The following NSD2 variants were observed in gnomAD, a reference collection of about 807,000 sequenced individuals.
The protein encoded by NSD2 is histone-lysine N-methyltransferase NSD2.
In NSD2, 12 loss-of-function variants were observed where a neutral mutation model predicts 139.0. That is an observed-to-expected ratio of 0.09 (90% CI 0.06 to 0.14). The LOEUF is 0.14. Ranked by LOEUF, NSD2 falls within the 10% of genes least tolerant of loss-of-function variation. The pLI, the probability that NSD2 is intolerant of heterozygous loss-of-function variation, is 1.00. For synonymous variants in NSD2, 669 were observed against 648.7 expected (o/e 1.03, Z -0.48); for missense variants, 1,155 against 1,745.0 (o/e 0.66, Z 6.02).
rs183835773 is a variant in NSD2, at chr4:1,955,028, T to G, written c.2339-133T>G. On this transcript the variant is annotated intron_variant, in intron 12 of 21. Transcript: ENST00000508803. This position sits in a 1 kb window ranked among gnomAD's most constrained non-coding sequence, Gnocchi z 4.7. ...GCACCTTTGCTCTGAAAGCTTTTTT[T>G]AAATCAAATACCTCCATTTCATTTT... is the stretch of plus-strand genomic sequence containing the variant. 1 of 1,060,984 alleles carries G rather than the reference T, an allele frequency of 9.4e-7. No homozygotes were observed. The highest frequency in any genetic ancestry group is 1.8e-5 in the South Asian group (1 of 56,384). 65.7% of individuals were successfully genotyped at this position (1,060,984 alleles called of 1,614,324 possible).
chr4:1,872,591 T>TGTGTGTGTGTGAGAGAGAGAGAGA (rs1281608141), intron 1 of NSD2, among the ~76,000 whole-genome samples: 1 of 44,892 alleles, frequency 2.2e-5, no homozygotes, highest in Admixed American at 3.4e-4. Flanking sequence ...TGTGTGTGTG[T>TGTGTGTGTGTGAGAGAGAGAGAGA]GAGAGAGAGA....
In NSD2 at chr4:1,955,398, T is replaced by C. The variant is rs189011763; in HGVS notation, c.2518+58T>C. Reference sequence around the variant, plus strand: ...CTCTCACACTCCCAGGAGCCACATATCAAGGCAGGCTCATTCCTTGTCTGC... The same window carrying C: ...CTCTCACACTCCCAGGAGCCACATACCAAGGCAGGCTCATTCCTTGTCTGC... On this transcript the variant is annotated intron_variant, in intron 13 of 21. Coordinates refer to ENST00000508803, the MANE Select transcript of NSD2 (RefSeq NM_001042424.3). This position sits in a 1 kb window ranked among gnomAD's most constrained non-coding sequence, Gnocchi z 4.7. The C allele has an allele frequency of 7.3e-5, 113 of 1,549,806 alleles. No homozygotes were observed. The African/African-American group carries it at 9.9e-4, about 14-fold the overall frequency.
In NSD2 at chr4:1,972,819, T is replaced by C. The variant is rs1726636221; in HGVS notation, c.3373-2044T>C. Among the ~76,000 whole-genome samples, 3 of 152,296 alleles carry C rather than the reference T, an allele frequency of 2.0e-5. No homozygotes were observed. The highest frequency in any genetic ancestry group is 7.2e-5 in the African/African-American group (3 of 41,566). On this transcript the variant is annotated intron_variant, in intron 18 of 21. Transcript: ENST00000508803. This position sits in a 1 kb window ranked among gnomAD's most constrained non-coding sequence, Gnocchi z 4.0. ...AGACATTGTGCACGGAAGATTCCAT[T>C]GGGAGCTGGGAAGCTATGGGAAAGT... is the stretch of plus-strand genomic sequence containing the variant.
rs1241410661 is a variant in NSD2 at position 1,904,363 on chromosome 4, T to C, written c.745T>C (p.Tyr249His). Residue 249 changes from tyrosine to histidine, a missense_variant, in exon 3 of 22, where the codon TAT (tyrosine) becomes CAT (histidine). Tyr to His is a moderately conservative substitution (Grantham distance 83). Around this residue, in one of 8 missense-constraint regions of NSD2, gnomAD observed 34 missense variants for 75.2 expected, o/e 0.45. Coordinates refer to ENST00000508803, the MANE Select transcript of NSD2 (RefSeq NM_001042424.3). ...MVSADPLLHS[Y>H]TKLKGQKKSA... is the part of the protein sequence containing the mutation. Reference sequence around the variant, plus strand: ...TTCTGCAGATCCACTCCTTCACAGCTATACCAAACTTAAAGGTATTGTGTT... The same window carrying C: ...TTCTGCAGATCCACTCCTTCACAGCCATACCAAACTTAAAGGTATTGTGTT... 3 of 1,611,952 alleles carry C rather than the reference T, an allele frequency of 1.9e-6. No individual in the cohort carries two copies. In the African/African-American group the frequency reaches 4.0e-5, roughly 22 times the overall value.
Position 1,928,763 on chromosome 4 carries a change from G to A in NSD2, c.1411-1863G>A, listed in dbSNP as rs1046713108. Among the ~76,000 whole-genome samples the A allele has an allele frequency of 2.0e-5, 3 of 152,034 alleles. No homozygotes were observed. In the East Asian group the frequency reaches 5.8e-4, roughly 29 times the overall value. On this transcript the variant is annotated intron_variant, in intron 5 of 21. Coordinates refer to ENST00000508803, the MANE Select transcript of NSD2 (RefSeq NM_001042424.3). ...AGGGGCAGAGGTGGGTGGGAGGGCA[G>A]CAGGCCCGTGAAGGAATGTGCTGTG...
At chr4:1,883,182 A>G (rs1203784504) in intron 1 of NSD2, among the ~76,000 whole-genome samples, 1 of 152,224 alleles carries the variant, frequency 6.6e-6, no homozygotes, top group Non-Finnish European at 1.5e-5. Context: ...CTGTCCAGAT[A>G]GCATTCTTTC....
rs1203288731 is a variant in NSD2, at chr4:1,980,016, T to C, written c.*1107T>C. ...CAGAGTGGCTTCCATCTCAGCACTC[T>C]GTGGGTCTGGTGATGGAAGATGCAG... On this transcript the variant is annotated 3_prime_UTR_variant, in exon 22 of 22. Coordinates refer to ENST00000508803, the MANE Select transcript of NSD2 (RefSeq NM_001042424.3). 1 of 232,658 alleles carries C rather than the reference T, an allele frequency of 4.3e-6. No individual in the cohort carries two copies. The highest frequency in any genetic ancestry group is 6.1e-5 in the East Asian group (1 of 16,492). 14.4% of individuals were successfully genotyped at this position (232,658 alleles called of 1,614,324 possible).
intron 1 of NSD2, among the ~76,000 whole-genome samples, chr4:1,877,368 T>TG (rs2108666105): frequency 6.6e-6 from 1 of 152,314 alleles, no homozygotes; most frequent in African/African-American, 2.4e-5. Context: ...TGACTCTCAC[T>TG]GCCCATTGGG....
At chr4:1,913,574 A>G (rs750222558) in intron 3 of NSD2, among the ~76,000 whole-genome samples, 30 of 152,236 alleles carry the variant, frequency 2.0e-4, no homozygotes, top group Admixed American at 6.5e-4. Flanking sequence ...TGAGAAATGC[A>G]TAGAAGAAAT....
chr4:1,915,112 T>C (rs1482699126), intron 3 of NSD2, among the ~76,000 whole-genome samples: 1 of 103,348 alleles, frequency 9.7e-6, no homozygotes, highest in African/African-American at 5.1e-5. Context: ...TTTTTTTCTC[T>C]TTTTTTTTTT....
intron 2 of NSD2, among the ~76,000 whole-genome samples, chr4:1,903,733 T>C (rs971685532): frequency 8.0e-6 from 1 of 124,814 alleles, no homozygotes; most frequent in Non-Finnish European, 1.6e-5. Flanking sequence ...GAGAGAGAAA[T>C]TTTTTTTTTT....
rs767888998 is a variant in NSD2, at chr4:1,978,880, G to A, written c.4069G>A (p.Gly1357Ser). Residue 1357 changes from glycine to serine, a missense_variant, in exon 22 of 22, where the codon GGC (glycine) becomes AGC (serine). Physicochemically the swap from Gly to Ser is moderately conservative, Grantham distance 56. Transcript: ENST00000508803. ...GAAGGGGAAGAGGCGGCGGCGGAGG[G>A]GCTGGCGGAGAGTCACAGAGGGCAA... ...KPKGKRRRRR[G>S]WRRVTEGK 3.2e-6 allele frequency: 5 copies of A among 1,581,314 alleles called. No homozygotes were observed. The African/African-American group carries it at 6.7e-5, about 21-fold the overall frequency.
intron 9 of NSD2, chr4:1,946,913 C>T: frequency 9.4e-7 from 1 of 1,059,142 alleles, no homozygotes; most frequent in Non-Finnish European, 1.1e-6. Context: ...GTGTTTTTTT[C>T]TAGCCTACCT....
intron 1 of NSD2, among the ~76,000 whole-genome samples, chr4:1,876,608 C>T (rs753037937): frequency 4.6e-5 from 7 of 151,970 alleles, no homozygotes; most frequent in Non-Finnish European, 8.8e-5. Context: ...GGGAGGTCAC[C>T]TGAGTCCAGG....
At chr4:1,917,478 C>T (rs1211272418) in intron 4 of NSD2, among the ~76,000 whole-genome samples, 1 of 152,154 alleles carries the variant, frequency 6.6e-6, no homozygotes, top group Admixed American at 6.5e-5. Flanking sequence ...TCTTGTCGCC[C>T]AGGCTGGAGT....
rs1249608099 is a variant in NSD2, at chr4:1,982,033, A to ATAGT, written c.*3128_*3131dup. 21 of 398,254 alleles carry ATAGT rather than the reference A, an allele frequency of 5.3e-5. No homozygotes were observed. The highest frequency in any genetic ancestry group is 6.3e-4 in the Middle Eastern group (1 of 1,588). 24.7% of individuals were successfully genotyped at this position (398,254 alleles called of 1,614,324 possible). A position where few individuals can be genotyped will look rare whatever the true frequency, so the allele number is the denominator to read the frequency against. On this transcript the variant is annotated 3_prime_UTR_variant, in exon 22 of 22. Coordinates refer to ENST00000508803, the MANE Select transcript of NSD2 (RefSeq NM_001042424.3). ...ATACTGGGTGCTGTCACCAGGTTTG[A>ATAGT]TAGTTAGACTTAAAAACTTGAAATT...
At chr4:1,888,713 A>G (rs1204473412) in intron 1 of NSD2, among the ~76,000 whole-genome samples, 2 of 149,874 alleles carry the variant, frequency 1.3e-5, no homozygotes, top group Non-Finnish European at 3.0e-5. Context: ...TACAGGCGTG[A>G]ACCCACTGCG....
intron 1 of NSD2, among the ~76,000 whole-genome samples, chr4:1,872,625 A>AGAGAGG (rs1713934640): frequency 1.4e-5 from 2 of 144,118 alleles, no homozygotes; most frequent in South Asian, 4.5e-4. Flanking sequence ...AGAGAGAGAG[A>AGAGAGG]GAGAGAGAGA....
At chr4:1,947,408 G>A (rs1723746460) in intron 9 of NSD2, 1 of 1,060,150 alleles carries the variant, frequency 9.4e-7, no homozygotes, top group African/African-American at 1.6e-5. Flanking sequence ...GGTGTGCAGT[G>A]GTGCTCTGGG....
Sources: allele counts gnomAD v4.1 joint callset (sites outside exome capture counted in the v4.1 genomes callset), GRCh38; gene constraint gnomAD v4.1.1; regional missense constraint gnomAD v4.1.1; non-coding constraint Gnocchi (gnomAD v3.1); transcripts MANE v1.5; gene names NCBI Gene and HGNC (gene_info 2026-07-23, HGNC 2026-07-21).